Variants in EBAG9 observed in about 807,000 individuals in gnomAD.
EBAG9 encodes receptor-binding cancer antigen expressed on SiSo cells.
EBAG9 carries 16 observed loss-of-function variants against 30.9 expected under a neutral mutation model. The observed-to-expected ratio is 0.52, with a 90% CI of 0.35 to 0.79. The LOEUF (loss-of-function observed/expected upper bound fraction) is 0.79, where lower values mean the gene tolerates loss of function less well. EBAG9 is among the 30% of genes least tolerant of loss of function. The probability of loss-of-function intolerance (pLI) is 0.01; values close to 1 mark genes in which losing one functional copy is unlikely to be tolerated. For synonymous variants in EBAG9, 93 were observed against 82.8 expected, an observed-to-expected ratio of 1.12 and a Z score of -0.67; for missense variants, 197 against 242.1, an observed-to-expected ratio of 0.81 and a Z score of 1.24.
At chr8:109,545,409 GCTGGAGTGCAGTCATGTGATCTCAGCTCA>G (rs1821364556) in intron 1 of EBAG9, among the ~76,000 whole-genome samples, 1 of 145,154 alleles carries the variant, frequency 6.9e-6, no homozygotes, top group Non-Finnish European at 1.5e-5. Flanking sequence ...TGTTGCCCAG[GCTGGAGTGCAGTCATGTGATCTCAGCTCA>G]CCGCAACCTC....
intron 1 of EBAG9, among the ~76,000 whole-genome samples, chr8:109,547,286 A>G (rs938884994): frequency 6.6e-6 from 1 of 152,130 alleles, no homozygotes; most frequent in African/African-American, 2.4e-5. Context: ...GTGGTTGTAC[A>G]TTTTACTTTC....
rs774665612 is a variant in EBAG9, at chr8:109,550,906, A to G, written c.82A>G (p.Arg28Gly). The G allele has an allele frequency of 1.3e-6, 2 of 1,564,224 alleles. No individual in the cohort carries two copies. The highest frequency in any genetic ancestry group is 2.3e-5 in the East Asian group (1 of 43,002). Residue 28 changes from arginine to glycine, a missense_variant and splice_region_variant, in exon 2 of 7, where the codon AGA becomes GGA. Arg to Gly is a moderately radical substitution (Grantham distance 125, BLOSUM62 -2). Transcript: ENST00000337573. ...CTCATTCCTAAAGAGATTAATATGC[A>G]GGTAAATAAGTTTTATGTTCAAACT... The part of the protein sequence containing the change: ...VFSFLKRLIC[R>G]SGRGRKLSGD...
chr8:109,542,527 A>G (rs1028578670), intron 1 of EBAG9, among the ~76,000 whole-genome samples: 19 of 152,064 alleles, frequency 1.2e-4, no homozygotes, highest in African/African-American at 3.1e-4. Flanking sequence ...CCTTGATTCT[A>G]TTTCCTTCCC....
rs529700418 is a variant in EBAG9, at chr8:109,562,943, C to A, written c.522-1496C>A. On this transcript the variant is annotated intron_variant, in intron 6 of 6. Coordinates refer to ENST00000337573, the MANE Select transcript of EBAG9 (RefSeq NM_004215.5). ...GGGATGCTCAGCCCTTATATTATTT[C>A]AGCTAGTAACCAGGTCAAAACTTCG... Among the ~76,000 whole-genome samples, 197 of 152,100 alleles carry A rather than the reference C, an allele frequency of 1.3e-3. 1 individual carries two copies. The highest frequency in any genetic ancestry group is 4.5e-3 in the African/African-American group (188 of 41,486).
chr8:109,557,014 C>T lies in EBAG9; in HGVS notation c.401C>T (p.Thr134Ile), dbSNP rs201074477. The part of the protein sequence containing the change: ...STGFSSRLAA[T>I]QDLPFIHQSS... ...GGTTTCTCTAGTAGATTAGCAGCTA[C>T]ACAAGATCTGCCTTTTATTCATCAG... Residue 134 changes from threonine (T) to isoleucine (I), a missense_variant, in exon 5 of 7, where the codon ACA (threonine) becomes ATA (isoleucine). Physicochemically the swap from Thr to Ile is moderately conservative, Grantham distance 89. Coordinates refer to ENST00000337573, the MANE Select transcript of EBAG9 (RefSeq NM_004215.5). 18 of 1,606,710 alleles carry T rather than the reference C, an allele frequency of 1.1e-5. No homozygotes were observed. In the East Asian group the frequency reaches 2.7e-4, roughly 24 times the overall value.
chr8:109,563,946 T>C (rs1586697019), intron 6 of EBAG9, among the ~76,000 whole-genome samples: 1 of 152,086 alleles, frequency 6.6e-6, no homozygotes, highest in East Asian at 1.9e-4. Context: ...CATTTTCTTT[T>C]TGGAGCGTGT....
intron 1 of EBAG9, among the ~76,000 whole-genome samples, chr8:109,541,748 T>C (rs1563651521): frequency 6.6e-6 from 1 of 152,182 alleles, no homozygotes; most frequent in Non-Finnish European, 1.5e-5. Flanking sequence ...GTTGGTAGTA[T>C]TTCCCAGCTT....
At chr8:109,560,490 C>T (rs1324601191) in intron 5 of EBAG9, among the ~76,000 whole-genome samples, 2 of 152,160 alleles carry the variant, frequency 1.3e-5, no homozygotes, top group Non-Finnish European at 2.9e-5. Flanking sequence ...TCACTCTATC[C>T]CCAGCTCCCT....
At chr8:109,541,351 AG>A (rs1821271811) in intron 1 of EBAG9, among the ~76,000 whole-genome samples, 1 of 152,208 alleles carries the variant, frequency 6.6e-6, no homozygotes, top group Admixed American at 6.5e-5. Context: ...CACAATTAAA[AG>A]GTTTCTTAAG....
intron 1 of EBAG9, among the ~76,000 whole-genome samples, chr8:109,546,424 G>A (rs1421625846): frequency 2.0e-5 from 3 of 152,062 alleles, no homozygotes; most frequent in South Asian, 2.1e-4. Flanking sequence ...CAAAAGTTTC[G>A]TCATGTCTGT....
chr8:109,541,998 T>G (rs1287186013), intron 1 of EBAG9, among the ~76,000 whole-genome samples: 3 of 149,884 alleles, frequency 2.0e-5, no homozygotes, highest in Admixed American at 2.0e-4. Context: ...CATGAGATGT[T>G]CTTGGCTTTT....
At chr8:109,555,372 C>T (rs1821578484) in intron 4 of EBAG9, among the ~76,000 whole-genome samples, 1 of 152,092 alleles carries the variant, frequency 6.6e-6, no homozygotes, top group Admixed American at 6.5e-5. Flanking sequence ...TTTTCTTAAT[C>T]CAGTCTATCA....
chr8:109,557,158 C>A, intron 5 of EBAG9, 116 bp downstream of exon 5: 1 of 544,146 alleles, frequency 1.8e-6, no homozygotes. Flanking sequence ...AACTTTGAAA[C>A]AGGTTTAGCA....
At chr8:109,554,057 G>T in intron 3 of EBAG9, 114 bp downstream of exon 3, 5 of 694,952 alleles carry the variant, frequency 7.2e-6, no homozygotes, top group Non-Finnish European at 1.1e-5. Flanking sequence ...ATTAATTTTT[G>T]TTGTGTTGTT....
Position 109,554,757 on chromosome 8 carries a change from A to T in EBAG9, c.191A>T (p.Asp64Val), listed in dbSNP as rs772863144. 3.7e-6 allele frequency: 6 copies of T among 1,613,488 alleles called. No homozygotes were observed. Among genetic ancestry groups the T allele is most frequent in the Non-Finnish European group, 5.1e-6 (6 of 1,179,644 alleles). Residue 64 changes from aspartate to valine, a missense_variant, in exon 4 of 7, where the codon GAT (aspartate) becomes GTT (valine). Asp to Val is a radical substitution (Grantham distance 152, BLOSUM62 -3). Coordinates refer to ENST00000337573, the MANE Select transcript of EBAG9 (RefSeq NM_004215.5). ...QTDVEEWTSW[D>V]EDAPTSVKIE... ...GATGTTGAAGAGTGGACTTCCTGGGATGAAGATGCACCCACCAGTGTAAAG... is the reference window on the plus strand; with the variant it reads ...GATGTTGAAGAGTGGACTTCCTGGGTTGAAGATGCACCCACCAGTGTAAAG...
intron 6 of EBAG9, among the ~76,000 whole-genome samples, chr8:109,563,978 C>A (rs1821764016): frequency 6.6e-6 from 1 of 152,000 alleles, no homozygotes; most frequent in African/African-American, 2.4e-5. Context: ...CTGTGTTCAT[C>A]ATGCACTTTA....
chr8:109,550,746 C>A, intron 1 of EBAG9, 64 bp from the exon 2 acceptor site: 1 of 940,450 alleles, frequency 1.1e-6, no homozygotes, highest in South Asian at 1.4e-5. Flanking sequence ...TAGGTCTTTT[C>A]AGGACAGGAG....
In EBAG9 at chr8:109,565,827, G is replaced by A. The variant is rs1821814744; in HGVS notation, c.*1268G>A. The A allele has an allele frequency of 6.6e-6, 1 of 152,036 alleles. No homozygotes were observed. The highest frequency in any genetic ancestry group is 2.4e-5 in the African/African-American group (1 of 41,422). 9.4% of individuals were successfully genotyped at this position (152,036 alleles called of 1,614,324 possible). On this transcript the variant is annotated 3_prime_UTR_variant, in exon 7 of 7. Coordinates refer to ENST00000337573, the MANE Select transcript of EBAG9 (RefSeq NM_004215.5). ...GTGATATTTTATAGAAAAATCATAA[G>A]TTATACAATGAGAACCCTTTAAGCC...
intron 2 of EBAG9, among the ~76,000 whole-genome samples, chr8:109,553,528 CTT>C (rs1418785160): frequency 2.6e-5 from 4 of 152,180 alleles, no homozygotes; most frequent in Non-Finnish European, 5.9e-5. Flanking sequence ...TGGCCCAGAA[CTT>C]CACCCACAGA....
Sources: gnomAD v4.1 joint callset for allele counts (sites outside exome capture counted in the v4.1 genomes callset) on GRCh38, gnomAD v4.1.1 for gene constraint, MANE v1.5 for transcripts, NCBI Gene and HGNC (gene_info 2026-07-23, HGNC 2026-07-21) for gene names.